Variants in CDH23 observed in about 807,000 individuals in gnomAD.
CDH23 encodes the protein cadherin related 23.
CDH23 carries 189 observed loss-of-function variants against 317.1 expected under a neutral mutation model. That is an observed-to-expected ratio of 0.60 (90% confidence interval 0.53 to 0.67). CDH23 has a LOEUF of 0.67. Among genes scored for constraint, CDH23 ranks in the 30% least tolerant of loss-of-function variants. The probability of loss-of-function intolerance (pLI) is 0.00; values close to 1 mark genes in which losing one functional copy is unlikely to be tolerated. For synonymous variants in CDH23, 1,839 were observed against 1,876.8 expected (o/e 0.98, Z 0.52); for missense variants, 4,401 against 4,592.4 (o/e 0.96, Z 1.20).
chr10:71,544,866 C>G (rs1193074319), intron 6 of CDH23, among the ~76,000 whole-genome samples: 1 of 152,190 alleles, frequency 6.6e-6, no homozygotes, highest in Non-Finnish European at 1.5e-5. Context: ...GAATGATGTT[C>G]CAATTTCTTG....
chr10:71,804,965 T>C (rs1841667246), intron 55 of CDH23, among the ~76,000 whole-genome samples: 1 of 152,240 alleles, frequency 6.6e-6, no homozygotes, highest in Non-Finnish European at 1.5e-5. Context: ...GAAAGATTTA[T>C]GTCTCCTGAA....
At position 71,810,551 on chromosome 10, in the gene CDH23, G is replaced by GC. The variant is rs1564807092; in HGVS notation, c.9060dup (p.Ile3021HisfsTer13). The GC allele has an allele frequency of 6.2e-7, 1 of 1,613,706 alleles. No homozygotes were observed. Among genetic ancestry groups the GC allele is most frequent in the Non-Finnish European group, 8.5e-7 (1 of 1,179,792 alleles). On this transcript the variant is annotated frameshift_variant, in exon 62 of 70. Transcript: ENST00000224721. LOFTEE classifies it high-confidence loss of function. Reference sequence around the variant, plus strand: ...CACGTGGTGAACCGCGATACCAACCGCATCCTGGACGTGGACCGGTGAGTC... The same window carrying GC: ...CACGTGGTGAACCGCGATACCAACCGCCATCCTGGACGTGGACCGGTGAGTC...
In CDH23 at chr10:71,751,422, G is replaced by A. The variant is rs527485050; in HGVS notation, c.4845+9501G>A. 3.8e-5 allele frequency: 16 copies of A among 419,130 alleles called. No homozygotes were observed. The highest frequency in any genetic ancestry group is 1.9e-4 in the Admixed American group (4 of 20,678). 26.0% of individuals were successfully genotyped at this position (419,130 alleles called of 1,614,324 possible). On this transcript the variant is annotated intron_variant, in intron 38 of 69. Transcript: ENST00000224721. The surrounding 1 kb of genome is among the most constrained non-coding windows in gnomAD (Gnocchi z 4.9). ...TGTCCCTCACCCTCAACCCCACCCCGTGAGGCCGTGGAACTCTTCAGGGAG... is the reference window on the plus strand; with the variant it reads ...TGTCCCTCACCCTCAACCCCACCCCATGAGGCCGTGGAACTCTTCAGGGAG...
chr10:71,582,266 T>C (rs1173525130), intron 9 of CDH23, among the ~76,000 whole-genome samples: 2 of 152,180 alleles, frequency 1.3e-5, no homozygotes, highest in Non-Finnish European at 2.9e-5. Flanking sequence ...CACAAGCCCA[T>C]GTAGCTACTG....
At chr10:71,452,116 G>T (rs1368955544) in intron 3 of CDH23, among the ~76,000 whole-genome samples, 1 of 152,174 alleles carries the variant, frequency 6.6e-6, no homozygotes, top group Admixed American at 6.5e-5. Context: ...CCAGCTGCCC[G>T]CCTGAGCTGT....
intron 6 of CDH23, among the ~76,000 whole-genome samples, chr10:71,539,681 C>T (rs1443183256): frequency 6.6e-6 from 1 of 152,082 alleles, no homozygotes; most frequent in Non-Finnish European, 1.5e-5. Context: ...TGCCTTCCCA[C>T]TCCACTCTAC....
chr10:71,655,936 G>T (rs1418117535), intron 14 of CDH23, among the ~76,000 whole-genome samples: 1 of 152,168 alleles, frequency 6.6e-6, no homozygotes, highest in Non-Finnish European at 1.5e-5. Context: ...ATCCCCTCGG[G>T]TGACAAGCAT....
In CDH23 at chr10:71,433,247, G is replaced by A. The variant is rs551240334; in HGVS notation, c.-5-6580G>A. ...AAACACCATCCCCTGTTGCTTCCTA[G>A]GGACATCCCACAGTTGAGCCAGTCC... On this transcript the variant is annotated intron_variant, in intron 1 of 69. Transcript: ENST00000224721. 1.9e-3 allele frequency among the ~76,000 whole-genome samples: 288 copies of A among 152,264 alleles called. 1 individual carries two copies. The highest frequency in any genetic ancestry group is 3.4e-3 in the Middle Eastern group (1 of 294).
At chr10:71,489,959 G>A (rs114007627) in intron 3 of CDH23, among the ~76,000 whole-genome samples, 1,609 of 151,998 alleles carry the variant, frequency 0.011, 22 homozygotes, top group African/African-American at 0.031. Flanking sequence ...GCTTGTGTGG[G>A]GGTATGAATT....
chr10:71,713,518 T>G, intron 28 of CDH23: 1 of 525,238 alleles, frequency 1.9e-6, no homozygotes, highest in Non-Finnish European at 3.4e-6. Flanking sequence ...CTGGCAATGC[T>G]CCCCTCCCTG....
chr10:71,740,996 C>T (rs755961443), intron 37 of CDH23, 46 bp downstream of exon 37: 16 of 1,610,508 alleles, frequency 9.9e-6, no homozygotes, highest in Admixed American at 6.7e-5. Flanking sequence ...ACGGGGGGAC[C>T]GTGGGCACGA....
chr10:71,652,890 T>C (rs1296477374), intron 14 of CDH23, among the ~76,000 whole-genome samples: 1 of 152,208 alleles, frequency 6.6e-6, no homozygotes, highest in Non-Finnish European at 1.5e-5. Flanking sequence ...CAGGGCCTTC[T>C]GGGTTGGTGA....
intron 1 of CDH23, among the ~76,000 whole-genome samples, chr10:71,419,545 T>C (rs1463494759): frequency 6.6e-6 from 1 of 152,166 alleles, no homozygotes. Context: ...ATTCTCCTAA[T>C]TTCCCCCTAA....
At chr10:71,595,003 C>A (rs1023414129) in intron 9 of CDH23, among the ~76,000 whole-genome samples, 3 of 152,224 alleles carry the variant, frequency 2.0e-5, no homozygotes, top group Admixed American at 2.0e-4. Context: ...GAGATATCAG[C>A]CAAGGGCTTG....
chr10:71,500,271 C>T (rs116736167), intron 3 of CDH23, among the ~76,000 whole-genome samples: 1,583 of 152,300 alleles, frequency 0.01, 24 homozygotes, highest in African/African-American at 0.035. Flanking sequence ...AAAATAAATA[C>T]ATTTTAAAAA....
intron 3 of CDH23, among the ~76,000 whole-genome samples, chr10:71,474,346 C>T (rs72642238): frequency 0.029 from 4,383 of 152,256 alleles, 136 homozygotes; most frequent in East Asian, 0.097. Flanking sequence ...GGGTACCATC[C>T]CTGCTGAGGC....
rs1861245126 is a variant in CDH23, at chr10:71,617,363, A to T, written c.1104A>T (p.Pro368=). The change falls in exon 11 of 70, where the codon CCA becomes CCT. Residue 368 remains proline, a synonymous_variant. Coordinates refer to ENST00000224721, the MANE Select transcript of CDH23 (RefSeq NM_022124.6). ...TELAQVGFAL[P]LFIQVVDKDE... is the part of the protein sequence containing the mutation. ...TGGCACAGGTCGGCTTTGCCCTTCCACTCTTCATCCAGGTGGTGGACAAGG... is the reference window on the plus strand; with the variant it reads ...TGGCACAGGTCGGCTTTGCCCTTCCTCTCTTCATCCAGGTGGTGGACAAGG... 4 of 1,613,472 alleles carry T rather than the reference A, an allele frequency of 2.5e-6. No individual in the cohort carries two copies. Among genetic ancestry groups the T allele is most frequent in the Middle Eastern group, 1.7e-4 (1 of 6,058 alleles).
At chr10:71,403,387 C>CT (rs1491199823) in intron 1 of CDH23, among the ~76,000 whole-genome samples, 5 of 113,000 alleles carry the variant, frequency 4.4e-5, no homozygotes, top group African/African-American at 1.8e-4. Context: ...TTCTTTCTTT[C>CT]TTTCTTTCTT....
chr10:71,523,985 A>G (rs1294615372), intron 6 of CDH23, among the ~76,000 whole-genome samples: 2 of 152,214 alleles, frequency 1.3e-5, no homozygotes, highest in East Asian at 1.9e-4. Flanking sequence ...CCTGGAACAC[A>G]TCACCCTCCC....
Sources: gnomAD v4.1 joint callset for allele counts (sites outside exome capture counted in the v4.1 genomes callset) on GRCh38, gnomAD v4.1.1 for gene constraint, Gnocchi (gnomAD v3.1) non-coding constraint, MANE v1.5 for transcripts, NCBI Gene and HGNC (gene_info 2026-07-23, HGNC 2026-07-21) for gene names.